TCERG1: variants seen among roughly 807,000 people sequenced by gnomAD.
TCERG1 encodes the protein transcription elongation regulator 1, also known as TATA box binding protein (TBP)-associated factor, RNA polymerase II, S, 150kD.
Under a neutral mutation model 144.7 loss-of-function variants are expected in TCERG1, and 37 were observed. The ratio of observed to expected loss-of-function variants is 0.26; its 90% CI spans 0.20 to 0.34. The LOEUF (loss-of-function observed/expected upper bound fraction) is 0.34, where lower values mean the gene tolerates loss of function less well. Among genes scored for constraint, TCERG1 ranks in the 10% least tolerant of loss-of-function variants. TCERG1 has a pLI of 1.00. For missense variants in TCERG1, 1,027 were observed against 1,380.7 expected, an observed-to-expected ratio of 0.74 and a Z score of 4.06; for synonymous variants, 492 against 458.2, an observed-to-expected ratio of 1.07 and a Z score of -0.94.
rs561873324 is a variant in TCERG1, at chr5:146,453,253, A to G, written c.60-1803A>G. Among the ~76,000 whole-genome samples, 4 of 152,254 alleles carry G rather than the reference A, an allele frequency of 2.6e-5. No homozygotes were observed. In the East Asian group the frequency reaches 7.7e-4, roughly 29 times the overall value. On this transcript the variant is annotated intron_variant, in intron 1 of 22. Transcript: ENST00000679501. ...GCTTTCCCTTTAGGTAGAGACTACT[A>G]ATGATCTGCCAAGTGACCCCCCTGC...
At chr5:146,508,628 T>C (rs1013386817) in intron 21 of TCERG1, among the ~76,000 whole-genome samples, 4 of 152,226 alleles carry the variant, frequency 2.6e-5, no homozygotes, top group African/African-American at 7.2e-5. Context: ...ATAAAGTCTT[T>C]TTTAAGTCCA....
At chr5:146,480,832 T>G (rs1581488042) in intron 12 of TCERG1, among the ~76,000 whole-genome samples, 3 of 152,264 alleles carry the variant, frequency 2.0e-5, no homozygotes, top group Admixed American at 2.0e-4. Context: ...AATTTCTTTA[T>G]TGGCAACAAC....
At chr5:146,501,333 T>C (rs1767427572) in intron 17 of TCERG1, among the ~76,000 whole-genome samples, 3 of 135,834 alleles carry the variant, frequency 2.2e-5, no homozygotes, top group Admixed American at 1.5e-4. Context: ...TGTCAGGCAA[T>C]TGTTCTCATA....
rs938071301 is a variant in TCERG1, at chr5:146,503,495, A to G, written c.2554A>G (p.Met852Val). 4 of 1,614,030 alleles carry G rather than the reference A, an allele frequency of 2.5e-6. No individual in the cohort carries two copies. The highest frequency in any genetic ancestry group is 3.4e-6 in the Non-Finnish European group (4 of 1,179,934). The change falls in exon 18 of 23, where the codon ATG becomes GTG. Residue 852 changes from methionine to valine, a missense_variant. By Grantham distance (21) the Met-to-Val change is conservative. Coordinates refer to ENST00000679501, the MANE Select transcript of TCERG1 (RefSeq NM_001382548.1). ...PRYKAVDSSS[M>V]REDLFKQYIE... ...TTACAAAGCAGTAGATAGTTCATCAATGAGAGAAGACCTTTTCAAACAGTA... is the reference window on the plus strand; with the variant it reads ...TTACAAAGCAGTAGATAGTTCATCAGTGAGAGAAGACCTTTTCAAACAGTA...
intron 15 of TCERG1, among the ~76,000 whole-genome samples, chr5:146,487,462 TCTGG>T: frequency 6.6e-6 from 1 of 151,970 alleles, no homozygotes; most frequent in Non-Finnish European, 1.5e-5. Context: ...AAGAAAAAAA[TCTGG>T]ATAGGCAAGG....
chr5:146,470,547 A>G (rs905913345), intron 7 of TCERG1, 89 bp from the exon 8 acceptor site: 1 of 1,031,216 alleles, frequency 9.7e-7, no homozygotes, highest in African/African-American at 1.6e-5. Context: ...AATACTTGGG[A>G]ATGGAATATC....
intron 14 of TCERG1, among the ~76,000 whole-genome samples, chr5:146,483,101 T>C (rs1282020264): frequency 6.6e-6 from 1 of 152,174 alleles, no homozygotes; most frequent in Non-Finnish European, 1.5e-5. Context: ...TGATACTTTG[T>C]GATATTATTA....
At chr5:146,468,250 A>T (rs920439788) in intron 5 of TCERG1, 91 bp from the exon 6 acceptor site, 1 of 1,014,788 alleles carries the variant, frequency 9.9e-7, no homozygotes, top group Non-Finnish European at 1.4e-6. Context: ...TAGCATTCTA[A>T]ATTGTAGTGG....
intron 9 of TCERG1, among the ~76,000 whole-genome samples, chr5:146,472,051 A>C (rs1244981323): frequency 6.6e-6 from 1 of 152,220 alleles, no homozygotes; most frequent in African/African-American, 2.4e-5. Flanking sequence ...AAGTTCAATT[A>C]CTACAAGTGT....
chr5:146,456,264 G>T (rs1267238000), intron 2 of TCERG1, among the ~76,000 whole-genome samples: 1 of 152,166 alleles, frequency 6.6e-6, no homozygotes, highest in African/African-American at 2.4e-5. Flanking sequence ...GTTAGAATAA[G>T]AAATAGTTTT....
Position 146,492,944 on chromosome 5 carries a change from A to G in TCERG1, c.2188A>G (p.Arg730Gly), listed in dbSNP as rs1240651916. The change falls in exon 16 of 23, where the codon AGG becomes GGG. Residue 730 changes from arginine (R) to glycine (G), a missense_variant. By Grantham distance (125) the Arg-to-Gly change is moderately radical. Around this residue, in one of 6 missense-constraint regions of TCERG1, gnomAD observed 482 missense variants for 632.6 expected, o/e 0.76. Transcript: ENST00000679501. ...KQVFDQYVKT[R>G]AEEERREKKN... Reference sequence around the variant, plus strand: ...GGTGTTTGATCAGTATGTAAAGACCAGGGCAGAGGAAGAACGCAGGGAAAA... The same window carrying G: ...GGTGTTTGATCAGTATGTAAAGACCGGGGCAGAGGAAGAACGCAGGGAAAA... 6.2e-7 allele frequency: 1 copy of G among 1,607,960 alleles called. No homozygotes were observed. Among genetic ancestry groups the G allele is most frequent in the Non-Finnish European group, 8.5e-7 (1 of 1,177,596 alleles).
At chr5:146,497,397 T>C (rs1405625822) in intron 16 of TCERG1, among the ~76,000 whole-genome samples, 2 of 152,180 alleles carry the variant, frequency 1.3e-5, no homozygotes, top group Non-Finnish European at 2.9e-5. Context: ...TCCTCCTACC[T>C]TGCCCTCCTG....
At chr5:146,479,738 T>A in intron 10 of TCERG1, 117 bp from the exon 11 acceptor site, 1 of 941,118 alleles carries the variant, frequency 1.1e-6, no homozygotes, top group Non-Finnish European at 1.6e-6. Context: ...TTTAATGTTT[T>A]ATAAAGGGAT....
rs534019837 is a variant in TCERG1 at position 146,506,358 on chromosome 5, A to G, written c.2782-670A>G. On this transcript the variant is annotated intron_variant, in intron 19 of 22. Coordinates refer to ENST00000679501, the MANE Select transcript of TCERG1 (RefSeq NM_001382548.1). ...AGCCAGACCTGTTATGCCTTCTATT[A>G]TACTGTCTTCTTCTTAAAAATTGTT... Among the ~76,000 whole-genome samples, 5 of 152,324 alleles carry G rather than the reference A, an allele frequency of 3.3e-5. No homozygotes were observed. In the South Asian group the frequency reaches 1.0e-3, roughly 32 times the overall value.
Position 146,480,023 on chromosome 5 carries a change from TA to T in TCERG1, c.1820-4del, listed in dbSNP as rs751694817. Reference sequence around the variant, plus strand: ...TAAATATTTTAATTAAATTTTGTCTTATAGTTAAAGAGGAACAAGAATTAAT... The same window carrying T: ...TAAATATTTTAATTAAATTTTGTCTTTAGTTAAAGAGGAACAAGAATTAAT... On this transcript the variant is annotated splice_polypyrimidine_tract_variant and splice_region_variant and intron_variant, in intron 11 of 22. Coordinates refer to ENST00000679501, the MANE Select transcript of TCERG1 (RefSeq NM_001382548.1). 41 of 1,597,240 alleles carry T rather than the reference TA, an allele frequency of 2.6e-5. No homozygotes were observed. The highest frequency in any genetic ancestry group is 3.4e-5 in the Non-Finnish European group (40 of 1,172,190).
intron 1 of TCERG1, 80 bp downstream of exon 1, chr5:146,447,488 C>G: frequency 6.6e-7 from 1 of 1,522,946 alleles, no homozygotes; most frequent in African/African-American, 1.4e-5. Flanking sequence ...TGTGGAGATC[C>G]GGGGCGGACG....
chr5:146,452,422 A>C (rs75106343), intron 1 of TCERG1, among the ~76,000 whole-genome samples: 9,679 of 152,140 alleles, frequency 0.064, 426 homozygotes, highest in Non-Finnish European at 0.085. Flanking sequence ...CTTGTAAGGT[A>C]GTTTGGGTAC....
intron 9 of TCERG1, 49 bp downstream of exon 9, chr5:146,471,625 G>A: frequency 6.7e-7 from 1 of 1,482,840 alleles, no homozygotes; most frequent in Non-Finnish European, 9.3e-7. Flanking sequence ...TTGAGACGGA[G>A]TCTCACTCTG....
chr5:146,491,528 G>A (rs915118911), intron 15 of TCERG1, among the ~76,000 whole-genome samples: 6 of 152,116 alleles, frequency 3.9e-5, no homozygotes, highest in South Asian at 2.1e-4. Context: ...GAGAACCCCT[G>A]GAGCCAATGT....
Sources: gnomAD v4.1 joint callset for allele counts (sites outside exome capture counted in the v4.1 genomes callset) on GRCh38, gnomAD v4.1.1 for gene constraint, gnomAD v4.1.1 regional missense constraint, MANE v1.5 for transcripts, NCBI Gene and HGNC (gene_info 2026-07-23, HGNC 2026-07-21) for gene names.